The following NCAPG2 variants were observed in gnomAD, a reference collection of about 807,000 sequenced individuals.
NCAPG2 encodes condensin-2 complex subunit G2.
NCAPG2 carries 53 observed loss-of-function variants against 141.1 expected under a neutral mutation model. The observed-to-expected ratio is 0.38, with a 90% CI of 0.30 to 0.47. The LOEUF is 0.47. NCAPG2 is among the 20% of genes least tolerant of loss of function. The pLI, the probability that NCAPG2 is intolerant of heterozygous loss-of-function variation, is 0.99. For synonymous variants in NCAPG2, 499 were observed against 490.7 expected, an observed-to-expected ratio of 1.02 and a Z score of -0.22; for missense variants, 1,087 against 1,389.0, an observed-to-expected ratio of 0.78 and a Z score of 3.46.
At chr7:158,675,777 T>C (rs1221185091) in intron 11 of NCAPG2, 121 bp from the exon 12 acceptor site, 2 of 943,746 alleles carry the variant, frequency 2.1e-6, no homozygotes, top group South Asian at 1.6e-5. Flanking sequence ...ATAGAAATAC[T>C]GGACACATAT....
At chr7:158,701,563 A>C (rs1182089496) in intron 2 of NCAPG2, among the ~76,000 whole-genome samples, 4 of 152,224 alleles carry the variant, frequency 2.6e-5, no homozygotes, top group African/African-American at 9.7e-5. Flanking sequence ...TAGTCTTCAG[A>C]GTGACCTTCT....
At chr7:158,637,073 G>A (rs549359391) in intron 27 of NCAPG2, among the ~76,000 whole-genome samples, 8 of 151,742 alleles carry the variant, frequency 5.3e-5, no homozygotes, top group African/African-American at 7.3e-5. Context: ...TCAGCCTCCC[G>A]AGCAGCTGGG....
intron 23 of NCAPG2, among the ~76,000 whole-genome samples, chr7:158,651,555 A>T (rs1349462209): frequency 6.6e-6 from 1 of 152,238 alleles, no homozygotes; most frequent in Non-Finnish European, 1.5e-5. Context: ...CTTCATTAAA[A>T]AATAATAGCT....
intron 22 of NCAPG2, among the ~76,000 whole-genome samples, chr7:158,654,233 C>T (rs989989044): frequency 5.9e-5 from 9 of 152,302 alleles, no homozygotes; most frequent in Admixed American, 3.3e-4. Context: ...GTCTGACTCA[C>T]GCCCCCATCC....
At position 158,671,571 on chromosome 7, in the gene NCAPG2, T is replaced by G. The variant is rs1833684300; in HGVS notation, c.1422A>C (p.Lys474Asn). 6.2e-7 allele frequency: 1 copy of G among 1,614,208 alleles called. No homozygotes were observed. The highest frequency in any genetic ancestry group is 8.5e-7 in the Non-Finnish European group (1 of 1,180,036). The change falls in exon 13 of 28, where the codon AAA becomes AAC. Residue 474 changes from lysine (K) to asparagine (N), a missense_variant. Physicochemically the swap from Lys to Asn is moderately conservative, Grantham distance 94. Coordinates refer to ENST00000356309, the MANE Select transcript of NCAPG2 (RefSeq NM_017760.7). ...GCATGTCCACAAAAGCTACCCTCAC[T>G]TTCTCCGAATTGTCGTGGAGACTGT... ...LRYSLHDNSEKVRVAFVDMLL... is the reference protein window; with the variant it reads ...LRYSLHDNSENVRVAFVDMLL...
At position 158,655,232 on chromosome 7, in the gene NCAPG2, C is replaced by A; in HGVS notation, c.2532G>T (p.Leu844Phe). The change falls in exon 21 of 28, where the codon TTG becomes TTT. Residue 844 changes from leucine (L) to phenylalanine (F), a missense_variant. Physicochemically the swap from Leu to Phe is conservative, Grantham distance 22 (BLOSUM62 0). Transcript: ENST00000356309. ...AAAAGCCAGTGTCTTCCAACATGGA[C>A]AAATACACCTTTCCTTCTGAGCAGA... The part of the protein sequence containing the change: ...HKFCSEGKVY[L>F]SMLEDTGFWL... 2.5e-6 allele frequency: 4 copies of A among 1,613,852 alleles called. No homozygotes were observed. Among genetic ancestry groups the A allele is most frequent in the Non-Finnish European group, 3.4e-6 (4 of 1,179,950 alleles).
chr7:158,667,559 C>T (rs1239002420), intron 13 of NCAPG2, among the ~76,000 whole-genome samples: 1 of 33,526 alleles, frequency 3.0e-5, no homozygotes, highest in Non-Finnish European at 5.3e-5. Flanking sequence ...CGCTTACCCA[C>T]TACTGGGTCC....
intron 6 of NCAPG2, among the ~76,000 whole-genome samples, chr7:158,688,052 A>T (rs147174429): frequency 6.6e-6 from 1 of 152,336 alleles, no homozygotes; most frequent in African/African-American, 2.4e-5. Context: ...GCATCTATCT[A>T]GAACTCTCTC....
At position 158,637,103 on chromosome 7, in the gene NCAPG2, A is replaced by T. The variant is rs544871171; in HGVS notation, c.3381-5386T>A. Among the ~76,000 whole-genome samples the T allele has an allele frequency of 6.6e-5, 10 of 152,000 alleles. No individual in the cohort carries two copies. The South Asian group carries it at 1.2e-3, about 19-fold the overall frequency. ...GCTGGGACTACAGGCGCCCGCCACC[A>T]TGCCCGGCTAATTTTTTATATTTTT... is the stretch of plus-strand genomic sequence containing the variant. On this transcript the variant is annotated intron_variant, in intron 27 of 27. Coordinates refer to ENST00000356309, the MANE Select transcript of NCAPG2 (RefSeq NM_017760.7).
At chr7:158,635,991 G>C (rs905226342) in intron 27 of NCAPG2, among the ~76,000 whole-genome samples, 4 of 152,010 alleles carry the variant, frequency 2.6e-5, no homozygotes, top group African/African-American at 9.7e-5. Flanking sequence ...TTAGACACTG[G>C]TTTTTCTATA....
In NCAPG2 at chr7:158,655,355, A is replaced by G; in HGVS notation, c.2489T>C (p.Ile830Thr). Residue 830 changes from isoleucine to threonine, a missense_variant, in exon 20 of 28, where the codon ATC (isoleucine) becomes ACC (threonine). Coordinates refer to ENST00000356309, the MANE Select transcript of NCAPG2 (RefSeq NM_017760.7). ...CAGGCACACCTTGTGCTGAAGATGG[A>G]TGCTCAGGCGACAGTGGAGACCAAA... Reference protein sequence around the residue: ...RAFGLHCRLSIHLQHKFCSEG... With the variant: ...RAFGLHCRLSTHLQHKFCSEG... 3 of 1,614,188 alleles carry G rather than the reference A, an allele frequency of 1.9e-6. No homozygotes were observed. Among genetic ancestry groups the G allele is most frequent in the South Asian group, 1.1e-5 (1 of 91,086 alleles).
In NCAPG2 at chr7:158,692,930, T is replaced by A. The variant is rs1835221402; in HGVS notation, c.294A>T (p.Ala98=). 6.3e-7 allele frequency: 1 copy of A among 1,579,646 alleles called. No homozygotes were observed. The highest frequency in any genetic ancestry group is 1.4e-5 in the African/African-American group (1 of 73,836). The stretch of plus-strand genomic sequence containing the variant: ...CAGAAGCAAGAATCACAGATGTAAT[T>A]GCATAAATTATTTCTATGCTTTTTC... The part of the protein sequence containing the change: ...KMRKSIEIIY[A]ITSVILASVS... Residue 98 remains alanine (A), a synonymous_variant, in exon 4 of 28, where the codon GCA becomes GCT. Coordinates refer to ENST00000356309, the MANE Select transcript of NCAPG2 (RefSeq NM_017760.7).
At chr7:158,690,529 G>A (rs1343540523) in intron 5 of NCAPG2, 39 bp downstream of exon 5, 1 of 1,588,184 alleles carries the variant, frequency 6.3e-7, no homozygotes, top group Non-Finnish European at 8.6e-7. Flanking sequence ...GGGCAATAGA[G>A]AGAGACCCTG....
chr7:158,692,971 T>C lies in NCAPG2; in HGVS notation c.268-15A>G. The C allele has an allele frequency of 6.9e-7, 1 of 1,442,274 alleles. No homozygotes were observed. The highest frequency in any genetic ancestry group is 9.6e-7 in the Non-Finnish European group (1 of 1,043,424). The allele number at this position is 1,442,274 out of a possible 1,614,324, so 89.3% of individuals were successfully genotyped here. On this transcript the variant is annotated splice_polypyrimidine_tract_variant and intron_variant, in intron 3 of 27. Coordinates refer to ENST00000356309, the MANE Select transcript of NCAPG2 (RefSeq NM_017760.7). ...ATGCTTTTTCTCTATAAATGAAAAA[T>C]CAAAGCATGAGTGAATTAAAATCAT...
Position 158,656,539 on chromosome 7 carries a change from G to A in NCAPG2, c.2214+13C>T, listed in dbSNP as rs774521226. On this transcript the variant is annotated intron_variant, in intron 18 of 27. Coordinates refer to ENST00000356309, the MANE Select transcript of NCAPG2 (RefSeq NM_017760.7). ...CACTCACCTAATTTTAAGGAAACAT[G>A]ATGTCAACCTACCTTGGCCTGGGCA... 17 of 1,613,340 alleles carry A rather than the reference G, an allele frequency of 1.1e-5. No individual in the cohort carries two copies. The highest frequency in any genetic ancestry group is 1.4e-5 in the Non-Finnish European group (17 of 1,179,624).
At chr7:158,663,069 G>A (rs1046453074) in intron 15 of NCAPG2, among the ~76,000 whole-genome samples, 2 of 152,338 alleles carry the variant, frequency 1.3e-5, no homozygotes, top group South Asian at 2.1e-4. Context: ...CTGTCAACGC[G>A]GCAAGCCACA....
chr7:158,689,472 G>A (rs1834992194), intron 6 of NCAPG2, among the ~76,000 whole-genome samples: 2 of 152,220 alleles, frequency 1.3e-5, no homozygotes, highest in Admixed American at 1.3e-4. Flanking sequence ...TGGGATGACA[G>A]TTTTGAGTAC....
chr7:158,701,844 A>T lies in NCAPG2; in HGVS notation c.56T>A (p.Phe19Tyr). ...QAVSKELVGE[F>Y]LQFVQLDKEA... is the part of the protein sequence containing the mutation. ...TACATCAAGTTGAACAAATTGCAAA[A>T]ACTCTCCAACCAGCTCCTTAGACAC... The change falls in exon 2 of 28, where the codon TTT (phenylalanine) becomes TAT (tyrosine). Residue 19 changes from phenylalanine (F) to tyrosine (Y), a missense_variant. Phe to Tyr is a conservative substitution (Grantham distance 22). Coordinates refer to ENST00000356309, the MANE Select transcript of NCAPG2 (RefSeq NM_017760.7). 2 of 1,613,470 alleles carry T rather than the reference A, an allele frequency of 1.2e-6. No individual in the cohort carries two copies. The highest frequency in any genetic ancestry group is 1.7e-6 in the Non-Finnish European group (2 of 1,179,892).
chr7:158,686,154 T>C lies in NCAPG2; in HGVS notation c.837+18A>G. 1 of 1,462,942 alleles carries C rather than the reference T, an allele frequency of 6.8e-7. No individual in the cohort carries two copies. The highest frequency in any genetic ancestry group is 9.3e-7 in the Non-Finnish European group (1 of 1,077,858). 90.6% of individuals were successfully genotyped at this position (1,462,942 alleles called of 1,614,324 possible). A position where few individuals can be genotyped will look rare whatever the true frequency, so the allele number is the denominator to read the frequency against. On this transcript the variant is annotated intron_variant, in intron 8 of 27. Transcript: ENST00000356309. ...ATATAATAAAAATAAGTGTTAACAT[T>C]TAAAAAAATGAAAATACCTCCAGTA...
Sources: gnomAD v4.1 joint callset for allele counts (sites outside exome capture counted in the v4.1 genomes callset) on GRCh38, gnomAD v4.1.1 for gene constraint, MANE v1.5 for transcripts, NCBI Gene and HGNC (gene_info 2026-07-23, HGNC 2026-07-21) for gene names.